EPHA6: variants seen among roughly 807,000 people sequenced by gnomAD.
EPHA6 encodes EPH receptor A6.
EPHA6 carries 50 observed loss-of-function variants against 112.0 expected under a neutral mutation model. The ratio of observed to expected loss-of-function variants is 0.45; its 90% CI spans 0.36 to 0.56. The LOEUF (loss-of-function observed/expected upper bound fraction) is 0.56, where lower values mean the gene tolerates loss of function less well. Among genes scored for constraint, EPHA6 ranks in the 20% least tolerant of loss-of-function variants. The pLI is 0.00. For missense variants in EPHA6, 1,280 were observed against 1,417.4 expected, an observed-to-expected ratio of 0.90 and a Z score of 1.56; for synonymous variants, 529 against 490.7, an observed-to-expected ratio of 1.08 and a Z score of -1.03.
intron 6 of EPHA6, among the ~76,000 whole-genome samples, chr3:97,419,138 C>T (rs562635250): frequency 1.3e-5 from 2 of 152,076 alleles, no homozygotes; most frequent in East Asian, 1.9e-4. Context: ...AACCCCGTCT[C>T]TACTAAAAAT....
intron 1 of EPHA6, among the ~76,000 whole-genome samples, chr3:96,850,021 A>G (rs1576136756): frequency 6.6e-6 from 1 of 152,254 alleles, no homozygotes; most frequent in Non-Finnish European, 1.5e-5. Flanking sequence ...CAGTACTTAC[A>G]AATTTTAAAG....
chr3:97,024,045 C>G, intron 3 of EPHA6, among the ~76,000 whole-genome samples: 1 of 152,058 alleles, frequency 6.6e-6, no homozygotes, highest in East Asian at 1.9e-4. Flanking sequence ...ATCTAGTGGT[C>G]AGTTCATTTC....
At chr3:97,447,073 T>C (rs538171976) in intron 6 of EPHA6, among the ~76,000 whole-genome samples, 15 of 152,132 alleles carry the variant, frequency 9.9e-5, no homozygotes, top group Non-Finnish European at 1.9e-4. Flanking sequence ...GGGGTATAAA[T>C]GGCAAATTCA....
intron 3 of EPHA6, among the ~76,000 whole-genome samples, chr3:97,128,872 C>CTTTTTTTTTTTTTTT (rs377407255): frequency 1.3e-4 from 15 of 117,524 alleles, no homozygotes; most frequent in African/African-American, 4.6e-4. Flanking sequence ...ATTTTTATGT[C>CTTTTTTTTTTTTTTT]TTTTTTTTTT....
chr3:97,026,170 G>A (rs996179882), intron 3 of EPHA6, among the ~76,000 whole-genome samples: 2 of 147,738 alleles, frequency 1.4e-5, no homozygotes, highest in African/African-American at 5.0e-5. Context: ...TTTGGTTACT[G>A]GAGCACTGTA....
At chr3:97,037,207 G>C (rs1215572973) in intron 3 of EPHA6, among the ~76,000 whole-genome samples, 2 of 151,896 alleles carry the variant, frequency 1.3e-5, no homozygotes, top group Non-Finnish European at 2.9e-5. Flanking sequence ...TGCCTTTAAG[G>C]ACCTTATATT....
At chr3:97,346,813 C>G (rs955773798) in intron 5 of EPHA6, among the ~76,000 whole-genome samples, 1 of 151,994 alleles carries the variant, frequency 6.6e-6, no homozygotes, top group Non-Finnish European at 1.5e-5. Context: ...GAGATACAAT[C>G]CAAGTGCAGG....
At chr3:97,385,570 A>G (rs1201569173) in intron 5 of EPHA6, among the ~76,000 whole-genome samples, 1 of 152,160 alleles carries the variant, frequency 6.6e-6, no homozygotes, top group Non-Finnish European at 1.5e-5. Context: ...TGTGTGCCCT[A>G]TGGAGTTCCC....
intron 3 of EPHA6, among the ~76,000 whole-genome samples, chr3:97,166,456 G>A (rs76477311): frequency 0.015 from 2,331 of 151,780 alleles, 73 homozygotes; most frequent in African/African-American, 0.053. Context: ...TATGTATCAC[G>A]AGTAGGTGAT....
Position 97,404,991 on chromosome 3 carries a change from G to A in EPHA6, c.1607-159G>A, listed in dbSNP as rs76050209. On this transcript the variant is annotated intron_variant, in intron 5 of 17. Coordinates refer to ENST00000389672, the MANE Select transcript of EPHA6 (RefSeq NM_001080448.3). ...ATATATTTAATGCCTTATTTGGATC[G>A]AATAGAGCATATCGTAAGGCTATCT... Among the ~76,000 whole-genome samples, 1,280 of 152,188 alleles carry A rather than the reference G, an allele frequency of 8.4e-3. 20 individuals carry two copies. Among genetic ancestry groups the A allele is most frequent in the African/African-American group, 0.029 (1,190 of 41,530 alleles).
intron 3 of EPHA6, among the ~76,000 whole-genome samples, chr3:97,223,146 T>C (rs2078255113): frequency 6.6e-6 from 1 of 152,218 alleles, no homozygotes; most frequent in African/African-American, 2.4e-5. Context: ...TATACCTCAT[T>C]TGAGGGTCTA....
chr3:97,422,245 G>T (rs11929504), intron 6 of EPHA6, among the ~76,000 whole-genome samples: 18,707 of 151,192 alleles, frequency 0.12, 3,685 homozygotes, highest in African/African-American at 0.41. Flanking sequence ...ATTAGTAAAG[G>T]AGTAGTATCC....
chr3:97,406,317 C>A (rs998137341), intron 6 of EPHA6, among the ~76,000 whole-genome samples: 2 of 152,062 alleles, frequency 1.3e-5, no homozygotes, highest in South Asian at 2.1e-4. Flanking sequence ...AGTCTGAGAT[C>A]GAGGACCCAG....
chr3:97,221,251 G>A (rs540577358), intron 3 of EPHA6, among the ~76,000 whole-genome samples: 1 of 145,136 alleles, frequency 6.9e-6, no homozygotes, highest in African/African-American at 2.6e-5. Flanking sequence ...TGAAGGTTGT[G>A]GTGAGCCGAG....
intron 4 of EPHA6, among the ~76,000 whole-genome samples, chr3:97,243,362 G>A (rs775242433): frequency 6.6e-5 from 10 of 151,700 alleles, no homozygotes; most frequent in Admixed American, 1.3e-4. Context: ...TTAATAAAAG[G>A]TTTTTTGTTG....
At chr3:96,904,015 T>TA (rs1180475114) in intron 2 of EPHA6, among the ~76,000 whole-genome samples, 1 of 152,170 alleles carries the variant, frequency 6.6e-6, no homozygotes, top group East Asian at 1.9e-4. Context: ...GGTGGGACTG[T>TA]AAACTAGTTC....
intron 3 of EPHA6, among the ~76,000 whole-genome samples, chr3:97,019,474 CG>C (rs1559673310): frequency 6.6e-6 from 1 of 151,958 alleles, no homozygotes; most frequent in Non-Finnish European, 1.5e-5. Context: ...TTTCAGTTCA[CG>C]GCTGGAGCTG....
chr3:97,009,303 T>C (rs778614976), intron 3 of EPHA6, among the ~76,000 whole-genome samples: 5 of 152,184 alleles, frequency 3.3e-5, no homozygotes, highest in Non-Finnish European at 7.4e-5. Flanking sequence ...CCTGATCCTC[T>C]GGCTGGAGTT....
chr3:97,201,033 G>A (rs145645618), intron 3 of EPHA6, among the ~76,000 whole-genome samples: 115 of 152,248 alleles, frequency 7.6e-4, no homozygotes, highest in African/African-American at 2.6e-3. Context: ...CTGCATATTA[G>A]AAAATAGAGG....
Sources: gnomAD v4.1 joint callset for allele counts (sites outside exome capture counted in the v4.1 genomes callset) on GRCh38, gnomAD v4.1.1 for gene constraint, MANE v1.5 for transcripts, NCBI Gene and HGNC (gene_info 2026-07-23, HGNC 2026-07-21) for gene names.